GALNT14: variants seen among roughly 807,000 people sequenced by gnomAD.
GALNT14 encodes the protein polypeptide N-acetylgalactosaminyltransferase 14, also known as UDP-GalNAc:polypeptide N-acetylgalactosaminyltransferase 14.
GALNT14 carries 60 observed loss-of-function variants against 77.5 expected under a neutral mutation model. The observed-to-expected ratio is 0.77, with a 90% CI of 0.63 to 0.96. The LOEUF (loss-of-function observed/expected upper bound fraction) is 0.96. Among genes scored for constraint, GALNT14 ranks in the 40% least tolerant of loss-of-function variants. The pLI, the probability that GALNT14 is intolerant of heterozygous loss-of-function variation, is 0.00. For missense variants in GALNT14, 710 were observed against 731.0 expected (o/e 0.97, Z 0.33); for synonymous variants, 280 against 281.7 (o/e 0.99, Z 0.06).
At chr2:31,072,212 T>C (rs955545102) in intron 1 of GALNT14, among the ~76,000 whole-genome samples, 1 of 148,478 alleles carries the variant, frequency 6.7e-6, no homozygotes, top group Non-Finnish European at 1.5e-5. Flanking sequence ...CTTCCTGGCA[T>C]CCAGTCAACT....
At chr2:30,942,697 G>C (rs1666452546) in intron 8 of GALNT14, among the ~76,000 whole-genome samples, 1 of 152,208 alleles carries the variant, frequency 6.6e-6, no homozygotes, top group African/African-American at 2.4e-5. Flanking sequence ...CTGTTACTGG[G>C]AGAAGGGACA....
intron 1 of GALNT14, among the ~76,000 whole-genome samples, chr2:31,071,973 C>T (rs866621150): frequency 7.2e-5 from 11 of 152,112 alleles, no homozygotes; most frequent in African/African-American, 1.2e-4. Flanking sequence ...CCAGTGGAGA[C>T]GGTGCCCAGG....
intron 1 of GALNT14, among the ~76,000 whole-genome samples, chr2:31,103,490 A>AACACACAC (rs58852483): frequency 3.3e-4 from 50 of 150,196 alleles, no homozygotes; most frequent in East Asian, 9.8e-4. Context: ...AGAAGAAGGA[A>AACACACAC]ACACACACAC....
At chr2:31,050,448 G>A (rs1287069163) in intron 1 of GALNT14, among the ~76,000 whole-genome samples, 1 of 152,086 alleles carries the variant, frequency 6.6e-6, no homozygotes, top group Non-Finnish European at 1.5e-5. Context: ...GTGGAGGGAG[G>A]ACTAAAAAGG....
chr2:30,901,496 A>G, the GALNT14 span, among the ~76,000 whole-genome samples: 1 of 140,330 alleles, frequency 7.1e-6, no homozygotes, highest in African/African-American at 2.7e-5. Context: ...ACATATATAT[A>G]ATAAATATAT....
At chr2:31,064,785 T>C (rs990115657) in intron 1 of GALNT14, among the ~76,000 whole-genome samples, 13 of 151,652 alleles carry the variant, frequency 8.6e-5, no homozygotes, top group African/African-American at 3.2e-4. Flanking sequence ...ATAAATCCAA[T>C]AGGGGAAGGT....
At chr2:30,953,429 C>T (rs1667163111) in intron 6 of GALNT14, among the ~76,000 whole-genome samples, 2 of 151,750 alleles carry the variant, frequency 1.3e-5, no homozygotes, top group African/African-American at 4.8e-5. Context: ...CTGCCTCAGC[C>T]TCCCGAGTAG....
chr2:31,040,240 T>C (rs976450684), intron 1 of GALNT14, among the ~76,000 whole-genome samples: 1 of 152,234 alleles, frequency 6.6e-6, no homozygotes, highest in African/African-American at 2.4e-5. Context: ...CTTGGGTTTT[T>C]TGTTTTACAT....
intron 1 of GALNT14, among the ~76,000 whole-genome samples, chr2:31,135,127 C>T (rs1183061868): frequency 6.6e-6 from 1 of 152,198 alleles, no homozygotes; most frequent in Non-Finnish European, 1.5e-5. Context: ...GCCAACCAAA[C>T]CACGATCAAC....
intron 1 of GALNT14, among the ~76,000 whole-genome samples, chr2:31,034,558 G>A (rs184968681): frequency 6.7e-6 from 1 of 149,892 alleles, no homozygotes; most frequent in Non-Finnish European, 1.5e-5. Context: ...TAGTTGTTTT[G>A]TTTTTTTTTG....
At chr2:30,958,490 C>T in intron 3 of GALNT14, 26 bp from the exon 4 acceptor site, 4 of 1,601,732 alleles carry the variant, frequency 2.5e-6, no homozygotes, top group Non-Finnish European at 3.4e-6. Flanking sequence ...AGAAAAAAAT[C>T]ACTGGAACTT....
At chr2:31,137,501 G>C (rs890568950) in intron 1 of GALNT14, among the ~76,000 whole-genome samples, 1 of 152,186 alleles carries the variant, frequency 6.6e-6, no homozygotes, top group African/African-American at 2.4e-5. Flanking sequence ...ACAGGCGCGC[G>C]CGGCGCACCC....
At chr2:31,131,635 A>T (rs559980994) in intron 1 of GALNT14, among the ~76,000 whole-genome samples, 3 of 152,292 alleles carry the variant, frequency 2.0e-5, no homozygotes, top group East Asian at 3.9e-4. Flanking sequence ...AATGAATAAG[A>T]CCACTTCAGA....
intron 1 of GALNT14, among the ~76,000 whole-genome samples, chr2:31,027,927 C>T (rs898368381): frequency 1.7e-4 from 12 of 70,804 alleles, no homozygotes; most frequent in African/African-American, 6.1e-4. Context: ...TGCACGCATG[C>T]ATGCGCACAT....
At chr2:31,135,621 C>G (rs1231155689) in intron 1 of GALNT14, among the ~76,000 whole-genome samples, 6 of 152,068 alleles carry the variant, frequency 3.9e-5, no homozygotes, top group Non-Finnish European at 8.8e-5. Flanking sequence ...AAAGAAGGAA[C>G]AAGATGTTAA....
At chr2:30,927,177 T>G (rs559066533) in intron 11 of GALNT14, among the ~76,000 whole-genome samples, 1 of 152,238 alleles carries the variant, frequency 6.6e-6, no homozygotes, top group Non-Finnish European at 1.5e-5. Context: ...GTGTGGGGTC[T>G]TTAGAAAAAT....
chr2:31,050,049 G>T (rs1673741618), intron 1 of GALNT14, among the ~76,000 whole-genome samples: 1 of 152,120 alleles, frequency 6.6e-6, no homozygotes, highest in Admixed American at 6.5e-5. Context: ...ACCACAAAGA[G>T]CTTGTATACC....
chr2:31,035,104 C>T (rs1242111828), intron 1 of GALNT14, among the ~76,000 whole-genome samples: 1 of 152,166 alleles, frequency 6.6e-6, no homozygotes, highest in East Asian at 1.9e-4. Flanking sequence ...ATCTATTAGG[C>T]CAAGTTAGTT....
At chr2:30,922,210 A>C (rs554515497) in intron 13 of GALNT14, among the ~76,000 whole-genome samples, 1 of 152,136 alleles carries the variant, frequency 6.6e-6, no homozygotes, top group Admixed American at 6.5e-5. Flanking sequence ...GGACTCACTC[A>C]ATCAGCCAGT....
Sources: gnomAD v4.1 joint callset for allele counts (sites outside exome capture counted in the v4.1 genomes callset) on GRCh38, gnomAD v4.1.1 for gene constraint, MANE v1.5 for transcripts, NCBI Gene and HGNC (gene_info 2026-07-23, HGNC 2026-07-21) for gene names.